The following XPO4 variants were observed in gnomAD, a reference collection of about 807,000 sequenced individuals.
XPO4 encodes exportin 4, also known as exportin-4.
XPO4 carries 39 observed loss-of-function variants against 143.0 expected under a neutral mutation model. The observed-to-expected ratio is 0.27, with a 90% confidence interval of 0.21 to 0.36. The LOEUF is 0.36. XPO4 is among the 10% of genes least tolerant of loss of function. XPO4 has a pLI of 1.00. For missense variants in XPO4, 907 were observed against 1,348.0 expected (o/e 0.67, Z 5.12); for synonymous variants, 439 against 474.0 (o/e 0.93, Z 0.96).
intron 1 of XPO4, among the ~76,000 whole-genome samples, chr13:20,888,426 C>G (rs1171537291): frequency 6.6e-6 from 1 of 152,186 alleles, no homozygotes; most frequent in African/African-American, 2.4e-5. Flanking sequence ...TCATACCTCA[C>G]TGCAACTTTG....
At chr13:20,795,166 C>T (rs1484055665) in intron 18 of XPO4, among the ~76,000 whole-genome samples, 1 of 152,152 alleles carries the variant, frequency 6.6e-6, no homozygotes, top group Non-Finnish European at 1.5e-5. Context: ...ATGTCCACTA[C>T]CACACGTGTC....
chr13:20,839,942 C>T (rs2059956850), intron 6 of XPO4, among the ~76,000 whole-genome samples: 1 of 152,054 alleles, frequency 6.6e-6, no homozygotes, highest in Non-Finnish European at 1.5e-5. Context: ...AAGATAGTGT[C>T]ACTGCACTCC....
chr13:20,816,329 T>C (rs1395247107), intron 9 of XPO4, among the ~76,000 whole-genome samples: 1 of 152,196 alleles, frequency 6.6e-6, no homozygotes, highest in Non-Finnish European at 1.5e-5. Context: ...ATGGGAACAA[T>C]ATAGTGACAC....
In XPO4 at chr13:20,781,097, C is replaced by T. The variant is rs1372171237; in HGVS notation, c.*2625G>A. On this transcript the variant is annotated 3_prime_UTR_variant, in exon 23 of 23. Coordinates refer to ENST00000255305, the MANE Select transcript of XPO4 (RefSeq NM_022459.5). ...AAAAATGAAATACTTGACAGTGTCC[C>T]TTTGACATATATAAAAGAGGGCACA... is the stretch of plus-strand genomic sequence containing the variant. 3 of 152,000 alleles carry T rather than the reference C, an allele frequency of 2.0e-5. No individual in the cohort carries two copies. The highest frequency in any genetic ancestry group is 4.4e-5 in the Non-Finnish European group (3 of 68,020). The allele number at this position is 152,000 out of a possible 1,614,324, so 9.4% of individuals were successfully genotyped here.
At chr13:20,802,612 T>A (rs1461657934) in intron 13 of XPO4, among the ~76,000 whole-genome samples, 1 of 152,222 alleles carries the variant, frequency 6.6e-6, no homozygotes, top group African/African-American at 2.4e-5. Context: ...ACTGGAGTTT[T>A]ATTATCACAA....
intron 3 of XPO4, among the ~76,000 whole-genome samples, chr13:20,861,686 C>A (rs936202243): frequency 6.6e-5 from 10 of 150,636 alleles, no homozygotes; most frequent in Admixed American, 4.0e-4. Context: ...AGAAAATTTA[C>A]TTTCACCTCA....
intron 1 of XPO4, among the ~76,000 whole-genome samples, chr13:20,889,538 G>A (rs1036133962): frequency 2.0e-5 from 3 of 152,130 alleles, no homozygotes; most frequent in Admixed American, 6.6e-5. Context: ...TACAATGCAC[G>A]AACCAGCCCT....
chr13:20,868,107 G>A lies in XPO4; in HGVS notation c.175+489C>T, dbSNP rs140154038. ...AGTGCTTTATTTTAGGATACATACA[G>A]TGATACCCTACGCAGAAATGACTGA... On this transcript the variant is annotated intron_variant, in intron 2 of 22. Coordinates refer to ENST00000255305, the MANE Select transcript of XPO4 (RefSeq NM_022459.5). 1.1e-3 allele frequency among the ~76,000 whole-genome samples: 174 copies of A among 151,682 alleles called. 1 individual carries two copies. The highest frequency in any genetic ancestry group is 4.0e-3 in the African/African-American group (164 of 41,340).
chr13:20,881,503 C>T (rs1297220591), intron 1 of XPO4, among the ~76,000 whole-genome samples: 2 of 152,106 alleles, frequency 1.3e-5, no homozygotes, highest in African/African-American at 4.8e-5. Context: ...ATCTCCTGAC[C>T]TCATGATCCC....
At chr13:20,825,741 C>A (rs1298662616) in intron 7 of XPO4, among the ~76,000 whole-genome samples, 1 of 152,138 alleles carries the variant, frequency 6.6e-6, no homozygotes, top group African/African-American at 2.4e-5. Context: ...ATGAGGCAGG[C>A]AACGGAATTT....
chr13:20,888,350 G>C (rs1453147580), intron 1 of XPO4, among the ~76,000 whole-genome samples: 3 of 151,926 alleles, frequency 2.0e-5, no homozygotes, highest in South Asian at 4.2e-4. Context: ...AACCTGGTGG[G>C]GGTTTTGTTT....
chr13:20,883,893 G>A (rs139227403), intron 1 of XPO4, among the ~76,000 whole-genome samples: 3,254 of 152,148 alleles, frequency 0.021, 91 homozygotes, highest in Middle Eastern at 0.075. Context: ...TCAGCCTCCC[G>A]AGTAGCTGGG....
At chr13:20,844,129 G>A (rs2060006783) in intron 4 of XPO4, among the ~76,000 whole-genome samples, 1 of 152,116 alleles carries the variant, frequency 6.6e-6, no homozygotes, top group Admixed American at 6.5e-5. Flanking sequence ...ATCCATCTAA[G>A]ACTTGAACTC....
At position 20,782,516 on chromosome 13, in the gene XPO4, A is replaced by C. The variant is rs1194378849; in HGVS notation, c.*1206T>G. ...TAAATTCACTGGCTCCCATGTCTGG[A>C]TAAGAATTATTGCCCCTAATGCCCC... On this transcript the variant is annotated 3_prime_UTR_variant, in exon 23 of 23. Coordinates refer to ENST00000255305, the MANE Select transcript of XPO4 (RefSeq NM_022459.5). 1 of 152,616 alleles carries C rather than the reference A, an allele frequency of 6.6e-6. No individual in the cohort carries two copies. The highest frequency in any genetic ancestry group is 1.5e-5 in the Non-Finnish European group (1 of 68,032). 9.5% of individuals were successfully genotyped at this position (152,616 alleles called of 1,614,324 possible).
intron 4 of XPO4, chr13:20,848,095 C>T: frequency 2.5e-6 from 1 of 393,922 alleles, no homozygotes; most frequent in Non-Finnish European, 3.4e-6. Context: ...TGCTTCATAG[C>T]TTTTCTCAAT....
chr13:20,818,188 T>C (rs1489231159), intron 9 of XPO4, among the ~76,000 whole-genome samples: 2 of 152,190 alleles, frequency 1.3e-5, no homozygotes, highest in Non-Finnish European at 2.9e-5. Flanking sequence ...AATGAAAAAA[T>C]TCTTATCTCC....
intron 20 of XPO4, among the ~76,000 whole-genome samples, chr13:20,787,977 AAGG>A (rs993088787): frequency 5.9e-5 from 9 of 152,192 alleles, no homozygotes; most frequent in African/African-American, 2.2e-4. Context: ...AGATCTATGA[AAGG>A]AGGACAGGAC....
At chr13:20,853,080 C>T in intron 4 of XPO4, 1 of 981,524 alleles carries the variant, frequency 1.0e-6, no homozygotes, top group South Asian at 4.7e-5. Flanking sequence ...ATCTGTAATC[C>T]CAGCATTTTG....
intron 1 of XPO4, among the ~76,000 whole-genome samples, chr13:20,870,834 A>G (rs992911694): frequency 6.6e-6 from 1 of 151,966 alleles, no homozygotes; most frequent in African/African-American, 2.4e-5. Context: ...TGTTTTGGAG[A>G]CAGCCTCACT....
Sources: gnomAD v4.1 joint callset for allele counts (sites outside exome capture counted in the v4.1 genomes callset) on GRCh38, gnomAD v4.1.1 for gene constraint, MANE v1.5 for transcripts, NCBI Gene and HGNC (gene_info 2026-07-23, HGNC 2026-07-21) for gene names.